TMEM132D: variants seen among roughly 807,000 people sequenced by gnomAD.
TMEM132D encodes transmembrane protein 132D.
A neutral mutation model predicts 62.3 loss-of-function variants in TMEM132D; 21 were observed. The observed-to-expected ratio is 0.34, with a 90% CI of 0.24 to 0.49. TMEM132D has a LOEUF of 0.49. Ranked by LOEUF, TMEM132D falls within the 20% of genes least tolerant of loss-of-function variation. The probability of loss-of-function intolerance (pLI) is 0.99; values close to 1 mark genes in which losing one functional copy is unlikely to be tolerated. For synonymous variants in TMEM132D, 621 were observed against 575.6 expected (o/e 1.08, Z -1.13); for missense variants, 1,346 against 1,402.8 (o/e 0.96, Z 0.65).
At chr12:129,680,692 T>C (rs1345029146) in intron 2 of TMEM132D, among the ~76,000 whole-genome samples, 1 of 152,136 alleles carries the variant, frequency 6.6e-6, no homozygotes, top group Non-Finnish European at 1.5e-5. Context: ...AGAACTTTAG[T>C]ATCGGTAAGT....
At chr12:129,803,480 T>C (rs1452073067) in intron 1 of TMEM132D, among the ~76,000 whole-genome samples, 1 of 152,016 alleles carries the variant, frequency 6.6e-6, no homozygotes, top group Non-Finnish European at 1.5e-5. Context: ...AAAGATGTTC[T>C]TTGAAACCAA....
chr12:129,233,012 G>A (rs896251732), intron 4 of TMEM132D, among the ~76,000 whole-genome samples: 2 of 152,052 alleles, frequency 1.3e-5, no homozygotes. Context: ...GGTTTGGGTG[G>A]GGACACAGAG....
intron 1 of TMEM132D, among the ~76,000 whole-genome samples, chr12:129,752,064 C>G (rs1870015517): frequency 6.6e-6 from 1 of 152,100 alleles, no homozygotes; most frequent in African/African-American, 2.4e-5. Flanking sequence ...TATCAATTTG[C>G]CAACACACCA....
intron 4 of TMEM132D, among the ~76,000 whole-genome samples, chr12:129,244,079 C>T (rs1300419438): frequency 1.3e-5 from 2 of 152,044 alleles, no homozygotes; most frequent in East Asian, 3.9e-4. Context: ...GAAATGAGCC[C>T]ATGAACAATG....
chr12:129,816,165 T>C (rs1872337399), intron 1 of TMEM132D, among the ~76,000 whole-genome samples: 1 of 152,254 alleles, frequency 6.6e-6, no homozygotes, highest in Non-Finnish European at 1.5e-5. Context: ...TAGTTCCAGT[T>C]CAACACTTCA....
intron 3 of TMEM132D, among the ~76,000 whole-genome samples, chr12:129,388,808 A>C (rs1356939227): frequency 9.9e-5 from 10 of 100,732 alleles, no homozygotes; most frequent in Non-Finnish European, 1.3e-4. Flanking sequence ...CACCAACACA[A>C]ATCCTAATAT....
At chr12:129,631,252 G>A (rs1879338562) in intron 2 of TMEM132D, among the ~76,000 whole-genome samples, 1 of 152,102 alleles carries the variant, frequency 6.6e-6, no homozygotes, top group Non-Finnish European at 1.5e-5. Flanking sequence ...TTTCATAAAC[G>A]CTCAGGTGTT....
intron 1 of TMEM132D, among the ~76,000 whole-genome samples, chr12:129,860,369 A>C (rs760488327): frequency 2.6e-5 from 4 of 152,222 alleles, no homozygotes; most frequent in Non-Finnish European, 5.9e-5. Flanking sequence ...CTGTCAATTT[A>C]GATGTTAACT....
intron 5 of TMEM132D, among the ~76,000 whole-genome samples, chr12:129,163,332 G>A (rs1877451269): frequency 6.6e-6 from 1 of 152,190 alleles, no homozygotes. Context: ...GCTATTATGA[G>A]TTAAATGAGT....
chr12:129,171,941 C>G lies in TMEM132D; in HGVS notation c.1443+37579G>C, dbSNP rs557686913. ...CAATAAAGTTACTAGGTGCATTACTCCCTGACAAGACAGTCAGCCTGTCCT... is the reference window on the plus strand; with the variant it reads ...CAATAAAGTTACTAGGTGCATTACTGCCTGACAAGACAGTCAGCCTGTCCT... On this transcript the variant is annotated intron_variant, in intron 5 of 8. Coordinates refer to ENST00000422113, the MANE Select transcript of TMEM132D (RefSeq NM_133448.3). Among the ~76,000 whole-genome samples the G allele has an allele frequency of 4.7e-3, 718 of 152,292 alleles. 3 individuals are homozygous for G. Among genetic ancestry groups the G allele is most frequent in the Non-Finnish European group, 7.1e-3 (486 of 68,028 alleles).
At chr12:129,716,436 C>A (rs1209729581) in intron 1 of TMEM132D, among the ~76,000 whole-genome samples, 1 of 152,160 alleles carries the variant, frequency 6.6e-6, no homozygotes, top group Non-Finnish European at 1.5e-5. Flanking sequence ...TCTCTCTGAA[C>A]AAGTAGTTAA....
intron 5 of TMEM132D, among the ~76,000 whole-genome samples, chr12:129,089,970 G>GT (rs1227126390): frequency 2.1e-4 from 32 of 152,342 alleles, no homozygotes; most frequent in Non-Finnish European, 4.4e-5. Flanking sequence ...ACTTAAAGGG[G>GT]TGTGAGGAAA....
At chr12:129,284,518 G>T (rs1198996517) in intron 4 of TMEM132D, among the ~76,000 whole-genome samples, 3 of 152,204 alleles carry the variant, frequency 2.0e-5, no homozygotes, top group Non-Finnish European at 2.9e-5. Context: ...GTGTAAGATG[G>T]AATGGAATAT....
chr12:129,244,903 A>C (rs1277241255), intron 4 of TMEM132D, among the ~76,000 whole-genome samples: 4 of 152,082 alleles, frequency 2.6e-5, no homozygotes, highest in Non-Finnish European at 5.9e-5. Flanking sequence ...TGCCTCCCAA[A>C]GTGTTGGGAT....
intron 1 of TMEM132D, among the ~76,000 whole-genome samples, chr12:129,880,998 A>T (rs1185976023): frequency 2.6e-5 from 4 of 152,140 alleles, no homozygotes; most frequent in African/African-American, 9.7e-5. Flanking sequence ...GAACACAAAG[A>T]CATTAACTAG....
chr12:129,167,795 C>A (rs1270177805), intron 5 of TMEM132D, among the ~76,000 whole-genome samples: 4 of 152,022 alleles, frequency 2.6e-5, no homozygotes, highest in Non-Finnish European at 5.9e-5. Context: ...CACAACCACC[C>A]CACCAAGCCC....
chr12:129,392,610 T>C (rs1871316961), intron 3 of TMEM132D, among the ~76,000 whole-genome samples: 1 of 152,212 alleles, frequency 6.6e-6, no homozygotes, highest in Non-Finnish European at 1.5e-5. Context: ...GCGGCTGTGT[T>C]GCTAGGAACC....
At chr12:129,151,077 C>A (rs1171227978) in intron 5 of TMEM132D, among the ~76,000 whole-genome samples, 2 of 152,148 alleles carry the variant, frequency 1.3e-5, no homozygotes, top group Non-Finnish European at 2.9e-5. Context: ...GCAGAGCACG[C>A]ATCTAATTTT....
At chr12:129,168,706 G>A (rs1343201157) in intron 5 of TMEM132D, among the ~76,000 whole-genome samples, 2 of 152,214 alleles carry the variant, frequency 1.3e-5, no homozygotes, top group Non-Finnish European at 2.9e-5. Flanking sequence ...ATGAGTCATA[G>A]GCTGTGTAGT....
Sources: allele counts gnomAD v4.1 joint callset (sites outside exome capture counted in the v4.1 genomes callset), GRCh38; gene constraint gnomAD v4.1.1; transcripts MANE v1.5; gene names NCBI Gene and HGNC (gene_info 2026-07-23, HGNC 2026-07-21).